Variants in FBXO11 observed in about 807,000 individuals in gnomAD.
FBXO11 encodes F-box only protein 11.
In FBXO11, 13 loss-of-function variants were observed where a neutral mutation model predicts 117.0. The ratio of observed to expected loss-of-function variants is 0.11; its 90% CI spans 0.07 to 0.18. The LOEUF is 0.18. Ranked by LOEUF, FBXO11 falls within the 10% of genes least tolerant of loss-of-function variation. FBXO11 has a pLI of 1.00. For missense variants in FBXO11, 767 were observed against 1,164.4 expected, an observed-to-expected ratio of 0.66 and a Z score of 4.97; for synonymous variants, 490 against 380.5, an observed-to-expected ratio of 1.29 and a Z score of -3.35.
At chr2:47,809,318 A>G in intron 20 of FBXO11, 52 bp from the exon 21 acceptor site, 1 of 1,181,708 alleles carries the variant, frequency 8.5e-7, no homozygotes, top group African/African-American at 1.6e-5. Flanking sequence ...TAATATTTTA[A>G]AAACCAAAGA....
intron 17 of FBXO11, 48 bp from the exon 18 acceptor site, chr2:47,813,425 A>ATTTTTTTTTATTTTTTTTTTT (rs1670764540): frequency 3.1e-6 from 1 of 327,432 alleles, no homozygotes; most frequent in African/African-American, 5.4e-5. Context: ...TTTCTTTTTA[A>ATTTTTTTTTATTTTTTTTTTT]TTTTTTTTTT....
intron 1 of FBXO11, among the ~76,000 whole-genome samples, chr2:47,848,642 T>G (rs1673606518): frequency 6.6e-6 from 1 of 152,238 alleles, no homozygotes; most frequent in African/African-American, 2.4e-5. Context: ...AATCCTATGC[T>G]ATAAATACAC....
chr2:47,856,076 C>T (rs1313166767), intron 1 of FBXO11, among the ~76,000 whole-genome samples: 3 of 152,120 alleles, frequency 2.0e-5, no homozygotes, highest in Non-Finnish European at 4.4e-5. Context: ...ACATTATGCA[C>T]TCCAAGCCTA....
At chr2:47,818,255 C>A (rs753938204) in intron 16 of FBXO11, among the ~76,000 whole-genome samples, 11 of 152,068 alleles carry the variant, frequency 7.2e-5, no homozygotes, top group Non-Finnish European at 1.3e-4. Context: ...AGTATTGCCA[C>A]AAAACTTCAA....
chr2:47,809,544 G>C (rs75175886), intron 20 of FBXO11, 56 bp downstream of exon 20: 3 of 1,288,896 alleles, frequency 2.3e-6, no homozygotes, highest in Admixed American at 2.0e-5. Flanking sequence ...AACGGCTTCT[G>C]ATTATCTTTC....
chr2:47,819,748 T>C (rs936852473), intron 14 of FBXO11, among the ~76,000 whole-genome samples: 1 of 152,180 alleles, frequency 6.6e-6, no homozygotes, highest in Non-Finnish European at 1.5e-5. Flanking sequence ...CAAAATGATA[T>C]GGCTTCATGT....
chr2:47,875,498 CT>C (rs59848527), intron 1 of FBXO11, among the ~76,000 whole-genome samples: 86,641 of 145,386 alleles, frequency 0.6, 25,706 homozygotes, highest in African/African-American at 0.72. Flanking sequence ...CTTTTTTTGT[CT>C]TTTTTTTTTT....
chr2:47,845,400 C>A (rs1289721935), intron 1 of FBXO11, among the ~76,000 whole-genome samples: 1 of 152,176 alleles, frequency 6.6e-6, no homozygotes, highest in Non-Finnish European at 1.5e-5. Context: ...TTGAACTCTG[C>A]GCTGAAGAAT....
chr2:47,832,278 T>A, intron 11 of FBXO11, 71 bp downstream of exon 11: 1 of 1,339,464 alleles, frequency 7.5e-7, no homozygotes, highest in South Asian at 1.5e-5. Flanking sequence ...GATGAGAAAA[T>A]AATGCTGAAA....
chr2:47,886,501 CAAA>C (rs368848073), intron 1 of FBXO11, among the ~76,000 whole-genome samples: 9 of 82,628 alleles, frequency 1.1e-4, no homozygotes, highest in Admixed American at 5.9e-4. Context: ...GCGAGACTCT[CAAA>C]AAAAAAAAAA....
rs765311723 is a variant in FBXO11 at position 47,839,288 on chromosome 2, G to A, written c.442+131C>T. On this transcript the variant is annotated intron_variant, in intron 3 of 22. Coordinates refer to ENST00000403359, the MANE Select transcript of FBXO11 (RefSeq NM_001190274.2). ...CAGAGGGAGAGGTCAGGGTTCTAAA[G>A]TTTATTCTGTAATAATCACTTTCTG... The A allele has an allele frequency of 4.6e-6, 4 of 878,022 alleles. No homozygotes were observed. In the Admixed American group the frequency reaches 1.2e-4, roughly 27 times the overall value. 54.4% of individuals were successfully genotyped at this position (878,022 alleles called of 1,614,324 possible). A position where few individuals can be genotyped will look rare whatever the true frequency, so the allele number is the denominator to read the frequency against.
chr2:47,814,460 C>A (rs1483530440), intron 16 of FBXO11, among the ~76,000 whole-genome samples: 1 of 150,416 alleles, frequency 6.6e-6, no homozygotes, highest in Non-Finnish European at 1.5e-5. Flanking sequence ...CTCACTGCAG[C>A]CTCGAACTCT....
chr2:47,810,227 G>T, intron 19 of FBXO11, 89 bp downstream of exon 19: 2 of 833,232 alleles, frequency 2.4e-6, no homozygotes, highest in South Asian at 1.9e-5. Flanking sequence ...GCACATTTTA[G>T]TTAATAAGCA....
At position 47,819,025 on chromosome 2, in the gene FBXO11, T is replaced by C; in HGVS notation, c.1851A>G (p.Leu617=). The C allele has an allele frequency of 6.2e-7, 1 of 1,613,992 alleles. No individual in the cohort carries two copies. The highest frequency in any genetic ancestry group is 2.2e-5 in the East Asian group (1 of 44,880). ...TGCCAGTTGTCACCCAGACTCCAGC[T>C]AGAGTGTTACTATAAACTTCATTCT... is the stretch of plus-strand genomic sequence containing the variant. ...IEENEVYSNT[L]AGVWVTTGST... Residue 617 remains leucine, a synonymous_variant, in exon 15 of 23, where the codon CTA becomes CTG. Transcript: ENST00000403359.
At chr2:47,827,390 T>A (rs191696430) in intron 11 of FBXO11, among the ~76,000 whole-genome samples, 2 of 152,322 alleles carry the variant, frequency 1.3e-5, no homozygotes, top group East Asian at 3.9e-4. Context: ...CACTGCAACC[T>A]CTACCTCCTG....
intron 1 of FBXO11, among the ~76,000 whole-genome samples, chr2:47,889,367 T>C (rs1677097894): frequency 6.6e-6 from 1 of 152,148 alleles, no homozygotes; most frequent in Non-Finnish European, 1.5e-5. Context: ...TAGCTTCCAA[T>C]TAAAAAACAA....
intron 1 of FBXO11, among the ~76,000 whole-genome samples, chr2:47,884,353 G>A (rs147164191): frequency 1.1e-4 from 16 of 152,176 alleles, no homozygotes; most frequent in African/African-American, 1.7e-4. Flanking sequence ...ACCAACTCCC[G>A]TCATTACAAA....
chr2:47,861,570 T>C (rs904309202), intron 1 of FBXO11, among the ~76,000 whole-genome samples: 6 of 152,042 alleles, frequency 3.9e-5, no homozygotes, highest in African/African-American at 1.4e-4. Context: ...AATCCTCCCA[T>C]CTCAGCCTCC....
At chr2:47,826,152 G>A (rs887073933) in intron 11 of FBXO11, among the ~76,000 whole-genome samples, 4 of 151,808 alleles carry the variant, frequency 2.6e-5, no homozygotes, top group African/African-American at 4.8e-5. Flanking sequence ...TCCATGTCCC[G>A]GGTTCACGCC....
Sources: gnomAD v4.1 joint callset for allele counts (sites outside exome capture counted in the v4.1 genomes callset) on GRCh38, gnomAD v4.1.1 for gene constraint, MANE v1.5 for transcripts, NCBI Gene and HGNC (gene_info 2026-07-23, HGNC 2026-07-21) for gene names.